The following KBTBD2 variants were observed in gnomAD, a reference collection of about 807,000 sequenced individuals.
KBTBD2 encodes the protein kelch repeat and BTB domain containing 2.
KBTBD2 carries 17 observed loss-of-function variants against 57.1 expected under a neutral mutation model. That is an observed-to-expected ratio of 0.30 (90% confidence interval 0.20 to 0.45). KBTBD2 has a LOEUF of 0.45. KBTBD2 is among the 20% of genes least tolerant of loss of function. The pLI is 1.00. For missense variants in KBTBD2, 515 were observed against 750.6 expected (o/e 0.69, Z 3.67); for synonymous variants, 267 against 262.7 (o/e 1.02, Z -0.16).
intron 2 of KBTBD2, among the ~76,000 whole-genome samples, chr7:32,876,285 G>A (rs1784309472): frequency 6.6e-6 from 1 of 152,190 alleles, no homozygotes; most frequent in African/African-American, 2.4e-5. Context: ...CTCAAGGACA[G>A]AGATGAAGAA....
In KBTBD2 at chr7:32,875,101, T is replaced by C. The variant is rs754113617; in HGVS notation, c.227A>G (p.Asn76Ser). 1 of 1,614,174 alleles carries C rather than the reference T, an allele frequency of 6.2e-7. No individual in the cohort carries two copies. Among genetic ancestry groups the C allele is most frequent in the Non-Finnish European group, 8.5e-7 (1 of 1,179,996 alleles). ...ESKQTHVHLR[N>S]VDAATLQIII... ...TATCTGTAAGGTGGCAGCATCGACA[T>C]TCCTCAGGTGTACATGGGTTTGTTT... The change falls in exon 3 of 4, where the codon AAT (asparagine) becomes AGT (serine). Residue 76 changes from asparagine (N) to serine (S), a missense_variant. Physicochemically the swap from Asn to Ser is conservative, Grantham distance 46 (BLOSUM62 1). Transcript: ENST00000304056.
intron 2 of KBTBD2, among the ~76,000 whole-genome samples, chr7:32,878,802 C>G (rs1487558495): frequency 8.5e-5 from 13 of 152,088 alleles, no homozygotes; most frequent in Admixed American, 8.5e-4. Flanking sequence ...AGGAAACGTA[C>G]AACAAAGACG....
chr7:32,874,661 C>G (rs1352381278), intron 3 of KBTBD2: 2 of 165,034 alleles, frequency 1.2e-5, no homozygotes, highest in African/African-American at 2.4e-5. Context: ...CATAATAAAC[C>G]AATAAGCTAC....
chr7:32,868,987 C>A lies in KBTBD2; in HGVS notation c.*358G>T. The stretch of plus-strand genomic sequence containing the variant: ...AATGAAACACACATACTAAAATAAC[C>A]TCAGCACAATTTGTGATACATCACA... On this transcript the variant is annotated 3_prime_UTR_variant, in exon 4 of 4. Transcript: ENST00000304056. 1 of 168,830 alleles carries A rather than the reference C, an allele frequency of 5.9e-6. No homozygotes were observed. Among genetic ancestry groups the A allele is most frequent in the Non-Finnish European group, 1.3e-5 (1 of 77,580 alleles). 10.5% of individuals were successfully genotyped at this position (168,830 alleles called of 1,614,324 possible).
At chr7:32,872,137 C>A (rs1472432151) in intron 3 of KBTBD2, among the ~76,000 whole-genome samples, 1 of 152,088 alleles carries the variant, frequency 6.6e-6, no homozygotes, top group Admixed American at 6.5e-5. Flanking sequence ...CAATTTGAGA[C>A]TGCAGTGAGC....
rs563069802 is a variant in KBTBD2 at position 32,879,937 on chromosome 7, G to T, written c.-333C>A. 1 of 210,004 alleles carries T rather than the reference G, an allele frequency of 4.8e-6. No homozygotes were observed. The highest frequency in any genetic ancestry group is 9.9e-5 in the South Asian group (1 of 10,138). 13.0% of individuals were successfully genotyped at this position (210,004 alleles called of 1,614,324 possible). A position where few individuals can be genotyped will look rare whatever the true frequency, so the allele number is the denominator to read the frequency against. ...CATCCTATGTTCAGCGGATCCTGTGGAGTAACTAAAAAGAAAAAAAGTTCA... is the reference window on the plus strand; with the variant it reads ...CATCCTATGTTCAGCGGATCCTGTGTAGTAACTAAAAAGAAAAAAAGTTCA... On this transcript the variant is annotated 5_prime_UTR_variant, in exon 2 of 4. Transcript: ENST00000304056.
At chr7:32,890,055 TATG>T (rs1174012076) in intron 1 of KBTBD2, among the ~76,000 whole-genome samples, 1 of 150,450 alleles carries the variant, frequency 6.6e-6, no homozygotes, top group Non-Finnish European at 1.5e-5. Flanking sequence ...TAATGCTTCT[TATG>T]AGAGCAAAAA....
In KBTBD2 at chr7:32,870,894, GAA is replaced by G; in HGVS notation, c.337-16_337-15del. On this transcript the variant is annotated splice_polypyrimidine_tract_variant and intron_variant, in intron 3 of 3. Coordinates refer to ENST00000304056, the MANE Select transcript of KBTBD2 (RefSeq NM_015483.3). ...CACATCTTCTACCTAGAATGAGAAGGAAAAAAAAAACAGGCTGATAGGGCCAG... is the reference window on the plus strand; with the variant it reads ...CACATCTTCTACCTAGAATGAGAAGGAAAAAAAACAGGCTGATAGGGCCAG... The G allele has an allele frequency of 7.7e-7, 1 of 1,303,614 alleles. No individual in the cohort carries two copies. The highest frequency in any genetic ancestry group is 1.0e-6 in the Non-Finnish European group (1 of 988,112). The allele number at this position is 1,303,614 out of a possible 1,614,324, so 80.8% of individuals were successfully genotyped here.
At chr7:32,880,352 CAG>C (rs1211393213) in intron 1 of KBTBD2, among the ~76,000 whole-genome samples, 1 of 152,020 alleles carries the variant, frequency 6.6e-6, no homozygotes, top group African/African-American at 2.4e-5. Context: ...CTCTCCTACA[CAG>C]AGATTTCTCG....
intron 3 of KBTBD2, among the ~76,000 whole-genome samples, chr7:32,874,261 G>T: frequency 6.6e-6 from 1 of 151,838 alleles, no homozygotes; most frequent in South Asian, 2.1e-4. Flanking sequence ...TTAGCCGGGG[G>T]TGGTGGTAGG....
At chr7:32,874,104 A>T (rs1188784121) in intron 3 of KBTBD2, among the ~76,000 whole-genome samples, 1 of 152,036 alleles carries the variant, frequency 6.6e-6, no homozygotes, top group Non-Finnish European at 1.5e-5. Flanking sequence ...CTCTACAAAA[A>T]ATAAAAATAT....
rs1051193196 is a variant in KBTBD2, at chr7:32,879,861, G to A, written c.-257C>T. 18 of 385,600 alleles carry A rather than the reference G, an allele frequency of 4.7e-5. No homozygotes were observed. Among genetic ancestry groups the A allele is most frequent in the African/African-American group, 3.6e-4 (17 of 47,210 alleles). 23.9% of individuals were successfully genotyped at this position (385,600 alleles called of 1,614,324 possible). A position where few individuals can be genotyped will look rare whatever the true frequency, so the allele number is the denominator to read the frequency against. On this transcript the variant is annotated 5_prime_UTR_variant, in exon 2 of 4. Coordinates refer to ENST00000304056, the MANE Select transcript of KBTBD2 (RefSeq NM_015483.3). Reference sequence around the variant, plus strand: ...AGACATTGTGCTCAAATCTGCAATTGTGCAGCTCATGAGTGAAAGAGAAAA... The same window carrying A: ...AGACATTGTGCTCAAATCTGCAATTATGCAGCTCATGAGTGAAAGAGAAAA...
chr7:32,880,316 A>C (rs778759740), intron 1 of KBTBD2, among the ~76,000 whole-genome samples: 32 of 151,946 alleles, frequency 2.1e-4, no homozygotes, highest in Non-Finnish European at 4.4e-4. Context: ...AAGAAAAAAT[A>C]TTTTTTTAAA....
At chr7:32,888,223 T>C (rs961156939) in intron 1 of KBTBD2, among the ~76,000 whole-genome samples, 2 of 152,208 alleles carry the variant, frequency 1.3e-5, no homozygotes, top group South Asian at 2.1e-4. Context: ...CCTTTTTTTT[T>C]CCTTTTCTCA....
At chr7:32,873,433 T>C (rs1350256925) in intron 3 of KBTBD2, among the ~76,000 whole-genome samples, 1 of 151,084 alleles carries the variant, frequency 6.6e-6, no homozygotes, top group Admixed American at 6.6e-5. Context: ...ATAAACACTG[T>C]TAAAAATTAC....
chr7:32,878,582 C>CA (rs5883373), intron 2 of KBTBD2, among the ~76,000 whole-genome samples: 89,371 of 141,610 alleles, frequency 0.63, 28,081 homozygotes, highest in African/African-American at 0.75. Context: ...GAGATCGTCT[C>CA]AAAAAAAAAA....
chr7:32,887,691 T>A (rs554440697), intron 1 of KBTBD2, among the ~76,000 whole-genome samples: 4 of 152,310 alleles, frequency 2.6e-5, no homozygotes, highest in African/African-American at 9.6e-5. Context: ...AGATTAAAAA[T>A]TTTTGTTGGA....
At chr7:32,879,405 A>G (rs1029054002) in intron 2 of KBTBD2, 30 bp downstream of exon 2, 3 of 1,480,548 alleles carry the variant, frequency 2.0e-6, no homozygotes, top group Admixed American at 4.3e-5. Context: ...ATTTCAAAGA[A>G]TTTCTATTTA....
At position 32,879,776 on chromosome 7, in the gene KBTBD2, A is replaced by C; in HGVS notation, c.-172T>G. On this transcript the variant is annotated 5_prime_UTR_variant, in exon 2 of 4. It adds an upstream start codon to the 5' untranslated region. Transcript: ENST00000304056. ...GTAATATCTTGTTACACAGACTTAG[A>C]ATCACTCCTAGGTCATCCTGTGTTA... 1 of 587,518 alleles carries C rather than the reference A, an allele frequency of 1.7e-6. No homozygotes were observed. Among genetic ancestry groups the C allele is most frequent in the South Asian group, 2.2e-5 (1 of 46,316 alleles). The allele number at this position is 587,518 out of a possible 1,614,324, so 36.4% of individuals were successfully genotyped here. A position where few individuals can be genotyped will look rare whatever the true frequency, so the allele number is the denominator to read the frequency against.
Sources: allele counts gnomAD v4.1 joint callset (sites outside exome capture counted in the v4.1 genomes callset), GRCh38; gene constraint gnomAD v4.1.1; transcripts MANE v1.5; gene names NCBI Gene and HGNC (gene_info 2026-07-23, HGNC 2026-07-21).